CWC22: variants seen among roughly 807,000 people sequenced by gnomAD.
CWC22 encodes the protein CWC22 spliceosome associated protein, also known as pre-mRNA-splicing factor CWC22 homolog.
Under a neutral mutation model 117.2 loss-of-function variants are expected in CWC22, and 53 were observed. That is an observed-to-expected ratio of 0.45 (90% confidence interval 0.36 to 0.57). CWC22 has a LOEUF of 0.57. Ranked by LOEUF, CWC22 falls within the 20% of genes least tolerant of loss-of-function variation. The pLI is 0.00. For synonymous variants in CWC22, 360 were observed against 355.6 expected, an observed-to-expected ratio of 1.01 and a Z score of -0.14; for missense variants, 980 against 1,068.8, an observed-to-expected ratio of 0.92 and a Z score of 1.16.
At chr2:179,968,504 A>T (rs1376044198) in intron 11 of CWC22, among the ~76,000 whole-genome samples, 1 of 151,650 alleles carries the variant, frequency 6.6e-6, no homozygotes, top group Admixed American at 6.6e-5. Context: ...AATTTTATAA[A>T]ATATATATAT....
intron 1 of CWC22, among the ~76,000 whole-genome samples, chr2:179,996,788 G>C (rs78964470): frequency 0.024 from 3,583 of 151,510 alleles, 144 homozygotes; most frequent in African/African-American, 0.08. Context: ...AGAAACTAGA[G>C]AGACTTGAAA....
chr2:179,952,211 G>A (rs1467434264), intron 17 of CWC22, among the ~76,000 whole-genome samples: 1 of 152,068 alleles, frequency 6.6e-6, no homozygotes, highest in Non-Finnish European at 1.5e-5. Flanking sequence ...GAGAATTCAA[G>A]TGAGCATACA....
At position 179,949,252 on chromosome 2, in the gene CWC22, A is replaced by G. The variant is rs534401366; in HGVS notation, c.2140+1260T>C. Among the ~76,000 whole-genome samples, 14 of 152,312 alleles carry G rather than the reference A, an allele frequency of 9.2e-5. No homozygotes were observed. The South Asian group carries it at 1.5e-3, about 16-fold the overall frequency. ...GTAGCCTTGCAGGGCTAGAGAGACA[A>G]GAATGGGACTGGTTATTTGCAATAC... On this transcript the variant is annotated intron_variant, in intron 19 of 19. Transcript: ENST00000410053.
chr2:180,004,764 G>A (rs1256701057), intron 1 of CWC22, among the ~76,000 whole-genome samples: 1 of 150,394 alleles, frequency 6.6e-6, no homozygotes, highest in Non-Finnish European at 1.5e-5. Context: ...TAAGAAAGCT[G>A]GCTTAGAAAA....
At chr2:179,997,837 A>T (rs1390180498) in intron 1 of CWC22, among the ~76,000 whole-genome samples, 1 of 152,208 alleles carries the variant, frequency 6.6e-6, no homozygotes, top group East Asian at 1.9e-4. Context: ...ATCTATAATG[A>T]TAAACAAAAC....
intron 1 of CWC22, among the ~76,000 whole-genome samples, chr2:180,005,193 G>T (rs1189571104): frequency 6.6e-6 from 1 of 152,170 alleles, no homozygotes; most frequent in Non-Finnish European, 1.5e-5. Flanking sequence ...TTAGATCAAA[G>T]TTCTTGGCCT....
chr2:179,990,377 T>C (rs976603233), intron 2 of CWC22, among the ~76,000 whole-genome samples: 1 of 152,176 alleles, frequency 6.6e-6, no homozygotes, highest in Non-Finnish European at 1.5e-5. Context: ...TACTGATCAC[T>C]TATTATAAGA....
chr2:179,962,721 AGGGTCAAATAGCAT>A (rs1686785535), intron 13 of CWC22, among the ~76,000 whole-genome samples: 1 of 152,154 alleles, frequency 6.6e-6, no homozygotes, highest in East Asian at 1.9e-4. Flanking sequence ...AATAAAAACA[AGGGTCAAATAGCAT>A]GAACAAAAAG....
intron 16 of CWC22, among the ~76,000 whole-genome samples, chr2:179,953,112 G>A (rs1449522955): frequency 1.3e-5 from 2 of 151,988 alleles, no homozygotes; most frequent in Non-Finnish European, 2.9e-5. Flanking sequence ...GTAACCTCTA[G>A]TTTTTATGGG....
intron 5 of CWC22, 112 bp from the exon 6 acceptor site, chr2:179,978,430 C>A: frequency 8.5e-7 from 1 of 1,174,018 alleles, no homozygotes; most frequent in Non-Finnish European, 1.1e-6. Flanking sequence ...TTTCATGAAA[C>A]GACCCCCAAG....
chr2:179,982,533 T>C (rs1041762177), intron 4 of CWC22, among the ~76,000 whole-genome samples: 1 of 152,154 alleles, frequency 6.6e-6, no homozygotes, highest in African/African-American at 2.4e-5. Flanking sequence ...CCAGAGTTAA[T>C]CTCCAATAGT....
At chr2:179,975,417 A>G (rs1434106029) in intron 6 of CWC22, among the ~76,000 whole-genome samples, 1 of 152,208 alleles carries the variant, frequency 6.6e-6, no homozygotes, top group Non-Finnish European at 1.5e-5. Context: ...TCTATTCAAC[A>G]TAGTACTAGA....
intron 4 of CWC22, among the ~76,000 whole-genome samples, chr2:179,985,067 A>C (rs1054435637): frequency 6.6e-6 from 1 of 152,050 alleles, no homozygotes; most frequent in African/African-American, 2.4e-5. Context: ...CATCTTATAG[A>C]TAAGGAAACT....
At chr2:179,963,737 G>A (rs982081641) in intron 13 of CWC22, among the ~76,000 whole-genome samples, 1 of 152,142 alleles carries the variant, frequency 6.6e-6, no homozygotes, top group Non-Finnish European at 1.5e-5. Context: ...TCTATTTGAA[G>A]ATAAACCTAA....
At chr2:179,959,937 C>G (rs990008847) in intron 13 of CWC22, among the ~76,000 whole-genome samples, 1 of 151,972 alleles carries the variant, frequency 6.6e-6, no homozygotes, top group African/African-American at 2.4e-5. Flanking sequence ...GAGGTATATG[C>G]ATTGAATTGT....
intron 1 of CWC22, among the ~76,000 whole-genome samples, chr2:180,001,947 A>G (rs1687858681): frequency 6.6e-6 from 1 of 152,180 alleles, no homozygotes; most frequent in South Asian, 2.1e-4. Context: ...CTCTCAATAC[A>G]TATTTGTTAA....
In CWC22 at chr2:179,993,433, T is replaced by G. The variant is rs1380882433; in HGVS notation, c.-92A>C. ...TGCTCTGAATTCCTTGACAGTTTAC[T>G]TTTTCTGTCTGCAAACATCACCTAT... On this transcript the variant is annotated 5_prime_UTR_variant, in exon 2 of 20. Coordinates refer to ENST00000410053, the MANE Select transcript of CWC22 (RefSeq NM_020943.3). 5.8e-6 allele frequency: 5 copies of G among 868,576 alleles called. No homozygotes were observed. Among genetic ancestry groups the G allele is most frequent in the Non-Finnish European group, 9.4e-6 (5 of 532,676 alleles). The allele number at this position is 868,576 out of a possible 1,614,324, so 53.8% of individuals were successfully genotyped here.
intron 1 of CWC22, among the ~76,000 whole-genome samples, chr2:180,005,293 A>C (rs1355665537): frequency 2.0e-5 from 3 of 152,168 alleles, no homozygotes; most frequent in Non-Finnish European, 4.4e-5. Context: ...AAACTAGGAC[A>C]CTAGCCGGGA....
In CWC22 at chr2:179,971,001, T is replaced by C. The variant is rs762634583; in HGVS notation, c.880A>G (p.Ile294Val). 6 of 1,612,228 alleles carry C rather than the reference T, an allele frequency of 3.7e-6. No homozygotes were observed. Among genetic ancestry groups the C allele is most frequent in the South Asian group, 1.1e-5 (1 of 90,932 alleles). Residue 294 changes from isoleucine (I) to valine (V), a missense_variant, in exon 9 of 20, where the codon ATT becomes GTT. Ile to Val is a conservative substitution (Grantham distance 29). Coordinates refer to ENST00000410053, the MANE Select transcript of CWC22 (RefSeq NM_020943.3). ...RPTDDSVEVA[I>V]GFLKECGLKL... ...AGGCCACATTCCTTAAGAAAACCAA[T>C]AGCTACTTCAACGCTATCATCTGTT... is the stretch of plus-strand genomic sequence containing the variant.
Sources: gnomAD v4.1 joint callset for allele counts (sites outside exome capture counted in the v4.1 genomes callset) on GRCh38, gnomAD v4.1.1 for gene constraint, MANE v1.5 for transcripts, NCBI Gene and HGNC (gene_info 2026-07-23, HGNC 2026-07-21) for gene names.